MYRF: variants seen among roughly 807,000 people sequenced by gnomAD.
The protein encoded by MYRF is myelin gene regulatory factor.
A neutral mutation model predicts 126.3 loss-of-function variants in MYRF; 16 were observed. The observed-to-expected ratio is 0.13, with a 90% CI of 0.09 to 0.19. MYRF has a LOEUF of 0.19. Ranked by LOEUF, MYRF falls within the 10% of genes least tolerant of loss-of-function variation. The probability of loss-of-function intolerance (pLI) is 1.00; values close to 1 mark genes in which losing one functional copy is unlikely to be tolerated. For missense variants in MYRF, 1,104 were observed against 1,547.0 expected (o/e 0.71, Z 4.80); for synonymous variants, 608 against 635.3 (o/e 0.96, Z 0.65).
chr11:61,755,185 C>T (rs1055182759), intron 1 of MYRF, among the ~76,000 whole-genome samples: 2 of 152,186 alleles, frequency 1.3e-5, no homozygotes, highest in Admixed American at 1.3e-4. Context: ...CGCCCCCTCA[C>T]CTGACGTGGT....
intron 22 of MYRF, chr11:61,782,111 C>T (rs1203888734): frequency 2.2e-5 from 8 of 358,126 alleles, no homozygotes; most frequent in Non-Finnish European, 3.5e-5. Flanking sequence ...ACAGCCCCTC[C>T]GAGGCAGGGC....
rs201912555 is a variant in MYRF at position 61,765,638 on chromosome 11, C to T, written c.60C>T (p.Asn20=). The change falls in exon 2 of 27, where the codon AAC becomes AAT. Residue 20 remains asparagine, a synonymous_variant. Transcript: ENST00000278836. ...CCTGCCCTGCAGGCCACGACATCAA[C>T]GGTGCCCTGGAGCCCTCCAACATAG... ...LQRFFEGHDI[N]GALEPSNIDT... 38 of 1,612,656 alleles carry T rather than the reference C, an allele frequency of 2.4e-5. No individual in the cohort carries two copies. In the Admixed American group the frequency reaches 2.5e-4, roughly 11 times the overall value.
At chr11:61,765,752 C>T (rs1461908227) in intron 2 of MYRF, 40 bp downstream of exon 2, 6 of 1,571,884 alleles carry the variant, frequency 3.8e-6, no homozygotes, top group Non-Finnish European at 5.2e-6. Context: ...CGCCCAGCCC[C>T]AGCCCTTCGC....
At position 61,776,643 on chromosome 11, in the gene MYRF, C is replaced by T. The variant is rs2066391639; in HGVS notation, c.1500-144C>T. The stretch of plus-strand genomic sequence containing the variant: ...ACAGCCCTGGCTTCTTGCTGTGGGC[C>T]CTGGGGAATTTCTGCCCCCTGGTGG... On this transcript the variant is annotated intron_variant, in intron 10 of 26. Coordinates refer to ENST00000278836, the MANE Select transcript of MYRF (RefSeq NM_001127392.3). The surrounding 1 kb of genome is among the most constrained non-coding windows in gnomAD (Gnocchi z 4.3). 1.3e-6 allele frequency: 1 copy of T among 754,742 alleles called. No homozygotes were observed. The allele number at this position is 754,742 out of a possible 1,614,324, so 46.8% of individuals were successfully genotyped here.
rs174532 is a variant in MYRF, at chr11:61,781,402, G to A, written c.2764+73G>A. 0.26 allele frequency: 401,236 copies of A among 1,571,074 alleles called. 58,104 individuals carry two copies. The highest frequency in any genetic ancestry group is 0.34 in the Middle Eastern group (2,003 of 5,858). ...GAGAGAAAGGCCCAAATACTCATTG[G>A]TGGGAGGGTCTCCTGGAGCCTAGAA... On this transcript the variant is annotated intron_variant, in intron 21 of 26. Transcript: ENST00000278836.
chr11:61,763,399 C>T (rs1017325866), intron 1 of MYRF, among the ~76,000 whole-genome samples: 2 of 152,244 alleles, frequency 1.3e-5, no homozygotes, highest in African/African-American at 4.8e-5. Context: ...CAGTCACTGT[C>T]ACCACCACTG....
rs371688026 is a variant in MYRF at position 61,781,360 on chromosome 11, C to T, written c.2764+31C>T. On this transcript the variant is annotated intron_variant, in intron 21 of 26. Coordinates refer to ENST00000278836, the MANE Select transcript of MYRF (RefSeq NM_001127392.3). ...GCTTTCTGTGGGCTGGGGCTTGGGG[C>T]GGGGGCTACCTGCGTAGAGAGAAAG... 52 of 1,608,648 alleles carry T rather than the reference C, an allele frequency of 3.2e-5. No individual in the cohort carries two copies. In the African/African-American group the frequency reaches 4.3e-4, roughly 13 times the overall value.
rs2066420805 is a variant in MYRF at position 61,777,581 on chromosome 11, G to GTTA, written c.1791+117_1791+118insTTA. The stretch of plus-strand genomic sequence containing the variant: ...AAGGCGGAGCTGCGGGGGAAGGAAG[G>GTTA]GAGGGAGGCTGGCCTCGAATCCCGA... On this transcript the variant is annotated intron_variant, in intron 12 of 26. Coordinates refer to ENST00000278836, the MANE Select transcript of MYRF (RefSeq NM_001127392.3). The surrounding 1 kb of genome is among the most constrained non-coding windows in gnomAD (Gnocchi z 8.8). The GTTA allele has an allele frequency of 1.4e-6, 2 of 1,387,764 alleles. No homozygotes were observed. The highest frequency in any genetic ancestry group is 2.0e-6 in the Non-Finnish European group (2 of 1,015,548). The allele number at this position is 1,387,764 out of a possible 1,614,324, so 86.0% of individuals were successfully genotyped here.
chr11:61,758,239 C>T (rs2065811799), intron 1 of MYRF, among the ~76,000 whole-genome samples: 1 of 152,052 alleles, frequency 6.6e-6, no homozygotes. Context: ...TCCAGCTGAC[C>T]GGGGTCCGTG....
rs749223663 is a variant in MYRF, at chr11:61,766,089, C to A, written c.266C>A (p.Pro89His). Residue 89 changes from proline to histidine, a missense_variant, in exon 3 of 27, where the codon CCC (proline) becomes CAC (histidine). This residue lies in a region of MYRF where 368 missense variants were observed against 403.9 expected (regional missense o/e 0.91). Transcript: ENST00000278836. Reference sequence around the variant, plus strand: ...GGACCCTCCCCGGGGCGCCATGGTCCCCTCCCACCCCCGGGCTACGGCACC... The same window carrying A: ...GGACCCTCCCCGGGGCGCCATGGTCACCTCCCACCCCCGGGCTACGGCACC... ...GGGPSPGRHG[P>H]LPPPGYGTPL... The A allele has an allele frequency of 3.7e-6, 6 of 1,606,556 alleles. No homozygotes were observed. In the Admixed American group the frequency reaches 1.0e-4, roughly 27 times the overall value.
Position 61,757,084 on chromosome 11 carries a change from T to A in MYRF, c.46+4294T>A, listed in dbSNP as rs1374402258. 2.3e-6 allele frequency: 1 copy of A among 438,376 alleles called. No individual in the cohort carries two copies. The highest frequency in any genetic ancestry group is 4.7e-6 in the Non-Finnish European group (1 of 213,496). 27.2% of individuals were successfully genotyped at this position (438,376 alleles called of 1,614,324 possible). A position where few individuals can be genotyped will look rare whatever the true frequency, so the allele number is the denominator to read the frequency against. On this transcript the variant is annotated intron_variant, in intron 1 of 26. Coordinates refer to ENST00000278836, the MANE Select transcript of MYRF (RefSeq NM_001127392.3). The surrounding 1 kb of genome is among the most constrained non-coding windows in gnomAD (Gnocchi z 4.7). Reference sequence around the variant, plus strand: ...CCCTACCCAGGCAGCCTGCCTTACCTTCCCACCTTCCTCTTCACGGACCTA... The same window carrying A: ...CCCTACCCAGGCAGCCTGCCTTACCATCCCACCTTCCTCTTCACGGACCTA...
At chr11:61,752,853 C>T (rs980045862) in intron 1 of MYRF, 63 bp downstream of exon 1, 2 of 1,412,400 alleles carry the variant, frequency 1.4e-6, no homozygotes, top group Non-Finnish European at 1.9e-6. Context: ...CTGATCTCCC[C>T]GGGAACTGGG....
At chr11:61,784,119 A>G in intron 24 of MYRF, 161 bp from the exon 25 acceptor site, 1 of 949,624 alleles carries the variant, frequency 1.1e-6, no homozygotes, top group Non-Finnish European at 1.6e-6. Context: ...TGAGGACCAC[A>G]TGGGATGGTC....
chr11:61,767,327 G>T (rs2066093029), intron 3 of MYRF: 1 of 456,578 alleles, frequency 2.2e-6, no homozygotes, highest in Non-Finnish European at 4.4e-6. Context: ...ATGTGCCTAT[G>T]ATTGCGTGAG....
intron 3 of MYRF, 33 bp from the exon 4 acceptor site, chr11:61,769,227 T>C: frequency 7.0e-7 from 1 of 1,428,790 alleles, no homozygotes. Context: ...GCTCAGCTGC[T>C]CACCCCCCGG....
rs1293064015 is a variant in MYRF, at chr11:61,753,172, C to G, written c.46+382C>G. Among the ~76,000 whole-genome samples, 3 of 152,194 alleles carry G rather than the reference C, an allele frequency of 2.0e-5. No individual in the cohort carries two copies. In the East Asian group the frequency reaches 5.8e-4, roughly 29 times the overall value. ...CCCAGAACCCCAAGCGGGATACAAC[C>G]CCATTCAAGGCCCAGACCCCCGGTG... On this transcript the variant is annotated intron_variant, in intron 1 of 26. Transcript: ENST00000278836.
In MYRF at chr11:61,777,288, A is replaced by G. The variant is rs984971174; in HGVS notation, c.1615A>G (p.Ser539Gly). Residue 539 changes from serine to glycine, a missense_variant, in exon 12 of 27, where the codon AGC (serine) becomes GGC (glycine). By Grantham distance (56) the Ser-to-Gly change is moderately conservative. Transcript: ENST00000278836. The surrounding 1 kb of genome is among the most constrained non-coding windows in gnomAD (Gnocchi z 8.8). The part of the protein sequence containing the change: ...VRASNPGQFE[S>G]DSDVLWQRAQ... ...GGCCTCCAACCCAGGCCAGTTCGAG[A>G]GCGACAGCGATGTGTTGTGGCAGCG... The G allele has an allele frequency of 6.2e-7, 1 of 1,613,538 alleles. No homozygotes were observed. Among genetic ancestry groups the G allele is most frequent in the Non-Finnish European group, 8.5e-7 (1 of 1,180,028 alleles).
At position 61,752,710 on chromosome 11, in the gene MYRF, G is replaced by A; in HGVS notation, c.-35G>A. 1 of 1,349,830 alleles carries A rather than the reference G, an allele frequency of 7.4e-7. No homozygotes were observed. The highest frequency in any genetic ancestry group is 9.5e-7 in the Non-Finnish European group (1 of 1,052,362). 83.6% of individuals were successfully genotyped at this position (1,349,830 alleles called of 1,614,324 possible). A position where few individuals can be genotyped will look rare whatever the true frequency, so the allele number is the denominator to read the frequency against. On this transcript the variant is annotated 5_prime_UTR_variant, in exon 1 of 27. Transcript: ENST00000278836. ...GCGCCCCCGGGCCGGGCTGTAGCGG[G>A]GCCGCGGCTGGAGTGTGCGCCGGGC...
Position 61,778,728 on chromosome 11 carries a change from T to C in MYRF, c.2013+239T>C, listed in dbSNP as rs2135851381. 1 of 643,426 alleles carries C rather than the reference T, an allele frequency of 1.6e-6. No individual in the cohort carries two copies. Among genetic ancestry groups the C allele is most frequent in the South Asian group, 1.5e-5 (1 of 66,208 alleles). The allele number at this position is 643,426 out of a possible 1,614,324, so 39.9% of individuals were successfully genotyped here. The stretch of plus-strand genomic sequence containing the variant: ...GTGATCAAGGGCAAGAGAAACCCTG[T>C]GGAGGGCCATGGCCTTCCACCCCCG... On this transcript the variant is annotated intron_variant, in intron 14 of 26. Transcript: ENST00000278836. The surrounding 1 kb of genome is among the most constrained non-coding windows in gnomAD (Gnocchi z 4.6).
Sources: allele counts gnomAD v4.1 joint callset (sites outside exome capture counted in the v4.1 genomes callset), GRCh38; gene constraint gnomAD v4.1.1; regional missense constraint gnomAD v4.1.1; non-coding constraint Gnocchi (gnomAD v3.1); transcripts MANE v1.5; gene names NCBI Gene and HGNC (gene_info 2026-07-23, HGNC 2026-07-21).